Variants in SLC7A5 observed in about 807,000 individuals in gnomAD.
SLC7A5 encodes large neutral amino acids transporter small subunit 1.
Under a neutral mutation model 50.2 loss-of-function variants are expected in SLC7A5, and 23 were observed. The observed-to-expected ratio is 0.46, with a 90% CI of 0.33 to 0.65. The LOEUF (loss-of-function observed/expected upper bound fraction) is 0.65. SLC7A5 is among the 30% of genes least tolerant of loss of function. The pLI, the probability that SLC7A5 is intolerant of heterozygous loss-of-function variation, is 0.02. For missense variants in SLC7A5, 578 were observed against 684.4 expected, an observed-to-expected ratio of 0.84 and a Z score of 1.73; for synonymous variants, 393 against 330.6, an observed-to-expected ratio of 1.19 and a Z score of -2.05.
At position 87,853,337 on chromosome 16, in the gene SLC7A5, C is replaced by G. The variant is rs975670283; in HGVS notation, c.539-1488G>C. ...AGAAATTAACCACCCCGCTACAATTCTGTGGATGCCAGAGCGGAGACGGCT... is the reference window on the plus strand; with the variant it reads ...AGAAATTAACCACCCCGCTACAATTGTGTGGATGCCAGAGCGGAGACGGCT... On this transcript the variant is annotated intron_variant, in intron 1 of 9. Coordinates refer to ENST00000261622, the MANE Select transcript of SLC7A5 (RefSeq NM_003486.7). This position sits in a 1 kb window ranked among gnomAD's most constrained non-coding sequence, Gnocchi z 4.4. 1.3e-5 allele frequency among the ~76,000 whole-genome samples: 2 copies of G among 152,238 alleles called. No homozygotes were observed. The highest frequency in any genetic ancestry group is 2.9e-5 in the Non-Finnish European group (2 of 68,040).
chr16:87,839,880 C>A, intron 4 of SLC7A5, 55 bp from the exon 5 acceptor site: 2 of 1,610,680 alleles, frequency 1.2e-6, no homozygotes, highest in Non-Finnish European at 1.7e-6. Flanking sequence ...GAAGGCCAAA[C>A]CCTGTGCCCA....
At position 87,837,907 on chromosome 16, in the gene SLC7A5, G is replaced by A. The variant is rs1283088881; in HGVS notation, c.1078C>T (p.Pro360Ser). The change falls in exon 7 of 10, where the codon CCC becomes TCC. Residue 360 changes from proline (P) to serine (S), a missense_variant. By Grantham distance (74) the Pro-to-Ser change is moderately conservative. Transcript: ENST00000261622. ...GGGTGGATCATGGAGAGGATGGAGG[G>A]CAGGTGGCCTTCCCGGGACCCCACG... Reference protein sequence around the residue: ...FFVGSREGHLPSILSMIHPQL... With the variant: ...FFVGSREGHLSSILSMIHPQL... The A allele has an allele frequency of 1.9e-6, 3 of 1,608,044 alleles. No individual in the cohort carries two copies. The highest frequency in any genetic ancestry group is 1.3e-5 in the African/African-American group (1 of 74,932).
chr16:87,835,571 T>A (rs1376328416), intron 8 of SLC7A5, among the ~76,000 whole-genome samples: 5 of 152,214 alleles, frequency 3.3e-5, no homozygotes, highest in Non-Finnish European at 7.4e-5. Context: ...CCTCCCAGGT[T>A]CATGCCATTC....
intron 2 of SLC7A5, 65 bp downstream of exon 2, chr16:87,851,659 C>A: frequency 1.3e-6 from 2 of 1,576,808 alleles, no homozygotes; most frequent in South Asian, 1.1e-5. Context: ...GGACCTCATG[C>A]CCTGTGAAGG....
At chr16:87,851,668 G>A in intron 2 of SLC7A5, 56 bp downstream of exon 2, 5 of 1,590,636 alleles carry the variant, frequency 3.1e-6, no homozygotes, top group South Asian at 2.2e-5. Context: ...GCCCTGTGAA[G>A]GACACACAGG....
chr16:87,832,863 A>C lies in SLC7A5; in HGVS notation c.*107T>G. 1.1e-6 allele frequency: 1 copy of C among 887,634 alleles called. No homozygotes were observed. Among genetic ancestry groups the C allele is most frequent in the Non-Finnish European group, 1.9e-6 (1 of 525,202 alleles). The allele number at this position is 887,634 out of a possible 1,614,324, so 55.0% of individuals were successfully genotyped here. A position where few individuals can be genotyped will look rare whatever the true frequency, so the allele number is the denominator to read the frequency against. Reference sequence around the variant, plus strand: ...CTGGGAGGGACGGCGAGGGACTGGGATGGGCAGCTGAGCTGTGGGTTGCGG... The same window carrying C: ...CTGGGAGGGACGGCGAGGGACTGGGCTGGGCAGCTGAGCTGTGGGTTGCGG... On this transcript the variant is annotated 3_prime_UTR_variant, in exon 10 of 10. Coordinates refer to ENST00000261622, the MANE Select transcript of SLC7A5 (RefSeq NM_003486.7). This position sits in a 1 kb window ranked among gnomAD's most constrained non-coding sequence, Gnocchi z 4.6.
At chr16:87,846,108 G>A (rs1422689468) in intron 2 of SLC7A5, among the ~76,000 whole-genome samples, 4 of 152,220 alleles carry the variant, frequency 2.6e-5, no homozygotes, top group Non-Finnish European at 5.9e-5. Context: ...ACCCACCCTT[G>A]GGGCAGCCAA....
At chr16:87,848,018 G>A (rs767970431) in intron 2 of SLC7A5, among the ~76,000 whole-genome samples, 7 of 152,138 alleles carry the variant, frequency 4.6e-5, no homozygotes, top group Admixed American at 2.6e-4. Context: ...CCATTCAGCC[G>A]GGGTCTGAGC....
At position 87,866,098 on chromosome 16, in the gene SLC7A5, G is replaced by T. The variant is rs978252157; in HGVS notation, c.538+2787C>A. Among the ~76,000 whole-genome samples, 3 of 152,254 alleles carry T rather than the reference G, an allele frequency of 2.0e-5. No individual in the cohort carries two copies. The East Asian group carries it at 5.8e-4, about 29-fold the overall frequency. On this transcript the variant is annotated intron_variant, in intron 1 of 9. Transcript: ENST00000261622. ...CAAATGCCCTCCACAGGGTTCTATGGGGGGGCGGGGGTGCGGTGAGCACAC... is the reference window on the plus strand; with the variant it reads ...CAAATGCCCTCCACAGGGTTCTATGTGGGGGCGGGGGTGCGGTGAGCACAC...
At chr16:87,855,477 C>T (rs1386008208) in intron 1 of SLC7A5, among the ~76,000 whole-genome samples, 1 of 152,130 alleles carries the variant, frequency 6.6e-6, no homozygotes, top group East Asian at 1.9e-4. Flanking sequence ...GCACAGCACC[C>T]CCACAACTTG....
rs1463709099 is a variant in SLC7A5 at position 87,861,937 on chromosome 16, A to C, written c.538+6948T>G. Among the ~76,000 whole-genome samples the C allele has an allele frequency of 1.3e-5, 2 of 152,148 alleles. No individual in the cohort carries two copies. The highest frequency in any genetic ancestry group is 4.8e-5 in the African/African-American group (2 of 41,410). ...GGAAAGTCAGATTTCAGCACTAATC[A>C]CTGGCTGCCGCCTGCAATGAGCCCA... On this transcript the variant is annotated intron_variant, in intron 1 of 9. Coordinates refer to ENST00000261622, the MANE Select transcript of SLC7A5 (RefSeq NM_003486.7). The surrounding 1 kb of genome is among the most constrained non-coding windows in gnomAD (Gnocchi z 4.2).
At chr16:87,846,427 C>T (rs761894739) in intron 2 of SLC7A5, among the ~76,000 whole-genome samples, 10 of 152,244 alleles carry the variant, frequency 6.6e-5, no homozygotes, top group Admixed American at 3.3e-4. Flanking sequence ...GCCAGGAGAG[C>T]GGGGCCCGAA....
Position 87,860,338 on chromosome 16 carries a change from AAAT to A in SLC7A5, c.539-8492_539-8490del, listed in dbSNP as rs1368734782. Among the ~76,000 whole-genome samples, 1 of 89,972 alleles carries A rather than the reference AAAT, an allele frequency of 1.1e-5. No individual in the cohort carries two copies. The highest frequency in any genetic ancestry group is 4.3e-4 in the South Asian group (1 of 2,330). 59.0% of individuals were successfully genotyped at this position (89,972 alleles called of 152,430 possible). ...ACAAAAGCATCTCAAAAAAAAAAAA[AAAT>A]ACACACACACACACACACACACACA... On this transcript the variant is annotated intron_variant, in intron 1 of 9. Transcript: ENST00000261622. This position sits in a 1 kb window ranked among gnomAD's most constrained non-coding sequence, Gnocchi z 4.8.
At chr16:87,854,080 C>A (rs796612981) in intron 1 of SLC7A5, 3 of 142,850 alleles carry the variant, frequency 2.1e-5, no homozygotes, top group Admixed American at 6.9e-5. Context: ...CCGCCCCCCC[C>A]CCCACCGCCA....
intron 1 of SLC7A5, among the ~76,000 whole-genome samples, chr16:87,857,479 C>G (rs1220158837): frequency 6.6e-6 from 1 of 152,256 alleles, no homozygotes. Flanking sequence ...GACAAGCGTT[C>G]ACCATGTTGG....
rs1422993289 is a variant in SLC7A5, at chr16:87,831,864, C to G, written c.*1106G>C. ...GAGCCCAGGGGCCTCCAAACGCAGG[C>G]GGCAGAGACGTGAGCAGTGCTTGGC... On this transcript the variant is annotated 3_prime_UTR_variant, in exon 10 of 10. Coordinates refer to ENST00000261622, the MANE Select transcript of SLC7A5 (RefSeq NM_003486.7). 6.6e-6 allele frequency: 1 copy of G among 152,268 alleles called. No homozygotes were observed. The highest frequency in any genetic ancestry group is 1.5e-5 in the Non-Finnish European group (1 of 68,134). The allele number at this position is 152,268 out of a possible 1,614,324, so 9.4% of individuals were successfully genotyped here.
intron 1 of SLC7A5, among the ~76,000 whole-genome samples, chr16:87,854,361 A>G (rs1183072601): frequency 6.6e-6 from 1 of 152,222 alleles, no homozygotes; most frequent in Non-Finnish European, 1.5e-5. Context: ...AGGTTTCATT[A>G]TTCTCCACAG....
In SLC7A5 at chr16:87,861,190, C is replaced by CTG. The variant is rs2055393552; in HGVS notation, c.538+7694_538+7695insCA. ...ATCCAGGTGATGCTCCAGGGAGGGCCAGGCCTACTGGGGGGCAGAACCCTG... is the reference window on the plus strand; with the variant it reads ...ATCCAGGTGATGCTCCAGGGAGGGCCTGAGGCCTACTGGGGGGCAGAACCCTG... On this transcript the variant is annotated intron_variant, in intron 1 of 9. Transcript: ENST00000261622. This position sits in a 1 kb window ranked among gnomAD's most constrained non-coding sequence, Gnocchi z 4.2. Among the ~76,000 whole-genome samples the CTG allele has an allele frequency of 6.6e-5, 10 of 152,310 alleles. No homozygotes were observed. The South Asian group carries it at 2.1e-3, about 32-fold the overall frequency.
At chr16:87,864,006 T>TATATATATATATATATATATAG (rs1367195610) in intron 1 of SLC7A5, among the ~76,000 whole-genome samples, 1 of 142,976 alleles carries the variant, frequency 7.0e-6, no homozygotes, top group Non-Finnish European at 1.5e-5. Context: ...TATATATATA[T>TATATATATATATATATATATAG]ATCAGCCGAG....
Sources: gnomAD v4.1 joint callset for allele counts (sites outside exome capture counted in the v4.1 genomes callset) on GRCh38, gnomAD v4.1.1 for gene constraint, Gnocchi (gnomAD v3.1) non-coding constraint, MANE v1.5 for transcripts, NCBI Gene and HGNC (gene_info 2026-07-23, HGNC 2026-07-21) for gene names.